Variants in FSTL4 observed in about 807,000 individuals in gnomAD.
FSTL4 encodes the protein follistatin-related protein 4.
FSTL4 carries 28 observed loss-of-function variants against 78.2 expected under a neutral mutation model. The ratio of observed to expected loss-of-function variants is 0.36; its 90% confidence interval spans 0.27 to 0.49. The LOEUF (loss-of-function observed/expected upper bound fraction) is 0.49. Ranked by LOEUF, FSTL4 falls within the 20% of genes least tolerant of loss-of-function variation. FSTL4 has a pLI of 0.98. For missense variants in FSTL4, 922 were observed against 1,084.9 expected, an observed-to-expected ratio of 0.85 and a Z score of 2.11; for synonymous variants, 422 against 440.5, an observed-to-expected ratio of 0.96 and a Z score of 0.53.
At chr5:133,495,744 C>A (rs1758356222) in intron 3 of FSTL4, among the ~76,000 whole-genome samples, 1 of 152,154 alleles carries the variant, frequency 6.6e-6, no homozygotes, top group Non-Finnish European at 1.5e-5. Context: ...TCCACTTTTG[C>A]AATTTGCATT....
intron 3 of FSTL4, among the ~76,000 whole-genome samples, chr5:133,412,480 A>T (rs1756495827): frequency 6.6e-6 from 1 of 152,198 alleles, no homozygotes; most frequent in Non-Finnish European, 1.5e-5. Context: ...AACATTGGAA[A>T]CCTATTTCAC....
the FSTL4 span, among the ~76,000 whole-genome samples, chr5:133,734,428 AT>A: frequency 6.6e-6 from 1 of 152,184 alleles, no homozygotes; most frequent in Non-Finnish European, 1.5e-5. Context: ...GTTATCTGAG[AT>A]TTGCTGCAAA....
intron 3 of FSTL4, among the ~76,000 whole-genome samples, chr5:133,560,173 CT>C (rs1165063942): frequency 6.6e-6 from 1 of 152,210 alleles, no homozygotes; most frequent in Non-Finnish European, 1.5e-5. Flanking sequence ...CGCTGTGGCT[CT>C]TGGGGAGGAT....
chr5:133,326,057 G>C (rs1372184930), intron 4 of FSTL4, among the ~76,000 whole-genome samples: 1 of 152,218 alleles, frequency 6.6e-6, no homozygotes, highest in African/African-American at 2.4e-5. Flanking sequence ...TTTTGAAACT[G>C]CTAAGCTGCG....
At chr5:133,551,845 C>T (rs1310317922) in intron 3 of FSTL4, among the ~76,000 whole-genome samples, 5 of 152,132 alleles carry the variant, frequency 3.3e-5, no homozygotes, top group Non-Finnish European at 7.3e-5. Context: ...CTGCAATATA[C>T]GCGGAATGTC....
chr5:133,785,688 C>T, the FSTL4 span, among the ~76,000 whole-genome samples: 1 of 152,158 alleles, frequency 6.6e-6, no homozygotes, highest in Non-Finnish European at 1.5e-5. Context: ...AACACGGGGC[C>T]CTCAGTGGAG....
At chr5:133,248,854 G>C in intron 7 of FSTL4, 1 of 160,426 alleles carries the variant, frequency 6.2e-6, no homozygotes, top group Admixed American at 5.9e-5. Flanking sequence ...CCTCTGGCCT[G>C]ACCTGGTTTC....
At chr5:133,674,152 G>A in the FSTL4 span, among the ~76,000 whole-genome samples, 1 of 152,184 alleles carries the variant, frequency 6.6e-6, no homozygotes, top group African/African-American at 2.4e-5. Flanking sequence ...TCCTCCACCA[G>A]CGAAGGGCTC....
rs1398065995 is a variant in FSTL4, at chr5:133,197,169, T to A, written c.*1926A>T. Reference sequence around the variant, plus strand: ...CTCCTTTAGGCTCAGAGATCCTTTTTCTGTCAGGGGCTGATACAATGGAAA... The same window carrying A: ...CTCCTTTAGGCTCAGAGATCCTTTTACTGTCAGGGGCTGATACAATGGAAA... On this transcript the variant is annotated 3_prime_UTR_variant, in exon 16 of 16. Coordinates refer to ENST00000265342, the MANE Select transcript of FSTL4 (RefSeq NM_015082.2). 6.6e-6 allele frequency: 1 copy of A among 152,168 alleles called. No individual in the cohort carries two copies. The highest frequency in any genetic ancestry group is 1.9e-4 in the East Asian group (1 of 5,196). The allele number at this position is 152,168 out of a possible 1,614,324, so 9.4% of individuals were successfully genotyped here. A position where few individuals can be genotyped will look rare whatever the true frequency, so the allele number is the denominator to read the frequency against.
At chr5:133,347,456 C>G (rs571934571) in intron 4 of FSTL4, among the ~76,000 whole-genome samples, 1 of 152,204 alleles carries the variant, frequency 6.6e-6, no homozygotes, top group Non-Finnish European at 1.5e-5. Flanking sequence ...AAGTGATTCT[C>G]CTGCCTCAGC....
chr5:133,826,116 C>G, the FSTL4 span, among the ~76,000 whole-genome samples: 1 of 152,218 alleles, frequency 6.6e-6, no homozygotes, highest in Non-Finnish European at 1.5e-5. Context: ...TCAGCTTCCA[C>G]TGCGCTCCAT....
chr5:133,323,072 T>C (rs907434385), intron 4 of FSTL4, among the ~76,000 whole-genome samples: 15 of 152,166 alleles, frequency 9.9e-5, no homozygotes, highest in East Asian at 1.9e-4. Context: ...GCTCACCCTA[T>C]AACAACCTTG....
the FSTL4 span, among the ~76,000 whole-genome samples, chr5:133,624,425 T>C: frequency 1.3e-5 from 2 of 151,924 alleles, no homozygotes; most frequent in Admixed American, 6.6e-5. Flanking sequence ...AGATTGGTGG[T>C]TGAAAGAAGG....
chr5:133,572,695 A>G (rs749027729), intron 2 of FSTL4, among the ~76,000 whole-genome samples: 2 of 152,208 alleles, frequency 1.3e-5, no homozygotes, highest in African/African-American at 2.4e-5. Context: ...AAATATTTGT[A>G]GAACTAAAAT....
the FSTL4 span, among the ~76,000 whole-genome samples, chr5:133,673,721 G>A: frequency 1.3e-5 from 2 of 152,094 alleles, no homozygotes; most frequent in Non-Finnish European, 2.9e-5. Flanking sequence ...CTCTGGCCAG[G>A]AAATAAATAA....
chr5:133,208,574 C>T (rs1415255885), intron 14 of FSTL4, among the ~76,000 whole-genome samples: 1 of 152,252 alleles, frequency 6.6e-6, no homozygotes, highest in African/African-American at 2.4e-5. Flanking sequence ...CTTCCCACTT[C>T]ACGGCTCAAC....
At chr5:133,791,704 C>G in the FSTL4 span, among the ~76,000 whole-genome samples, 4 of 152,242 alleles carry the variant, frequency 2.6e-5, no homozygotes, top group African/African-American at 9.6e-5. Context: ...GTGCCCCTTC[C>G]CCTGCAGCCT....
At chr5:133,490,127 C>T (rs1376397994) in intron 3 of FSTL4, among the ~76,000 whole-genome samples, 1 of 149,036 alleles carries the variant, frequency 6.7e-6, no homozygotes, top group Admixed American at 6.7e-5. Flanking sequence ...CCATCTTTGC[C>T]TCATTGTTTT....
intron 4 of FSTL4, among the ~76,000 whole-genome samples, chr5:133,330,779 C>G (rs115604927): frequency 6.6e-6 from 1 of 152,170 alleles, no homozygotes; most frequent in Admixed American, 6.5e-5. Flanking sequence ...TTAGGTCTGA[C>G]AGGGGGTAAA....
Sources: allele counts gnomAD v4.1 joint callset (sites outside exome capture counted in the v4.1 genomes callset), GRCh38; gene constraint gnomAD v4.1.1; transcripts MANE v1.5; gene names NCBI Gene and HGNC (gene_info 2026-07-23, HGNC 2026-07-21).